Variants in TXNDC12 observed in about 807,000 individuals in gnomAD.
TXNDC12 encodes the protein thioredoxin domain-containing protein 12.
Under a neutral mutation model 24.2 loss-of-function variants are expected in TXNDC12, and 22 were observed. The ratio of observed to expected loss-of-function variants is 0.91; its 90% confidence interval spans 0.65 to 1.30. The LOEUF is 1.30. Among genes scored for constraint, TXNDC12 ranks in the 50% most tolerant of loss-of-function variants. The probability of loss-of-function intolerance (pLI) is 0.00; values close to 1 mark genes in which losing one functional copy is unlikely to be tolerated. For synonymous variants in TXNDC12, 58 were observed against 73.4 expected, an observed-to-expected ratio of 0.79 and a Z score of 1.07; for missense variants, 184 against 205.8, an observed-to-expected ratio of 0.89 and a Z score of 0.65.
At chr1:52,027,757 A>G (rs997837206) in intron 3 of TXNDC12, among the ~76,000 whole-genome samples, 12 of 149,238 alleles carry the variant, frequency 8.0e-5, no homozygotes, top group Admixed American at 1.3e-4. Context: ...ACATATATAC[A>G]TATATACGTA....
chr1:52,038,448 T>C (rs1685924635), intron 2 of TXNDC12, among the ~76,000 whole-genome samples: 2 of 151,956 alleles, frequency 1.3e-5, no homozygotes, highest in African/African-American at 4.8e-5. Flanking sequence ...GTAGCTGGGA[T>C]TATAGGCATG....
At chr1:52,046,594 G>A (rs1054057738) in intron 1 of TXNDC12, among the ~76,000 whole-genome samples, 9 of 152,112 alleles carry the variant, frequency 5.9e-5, no homozygotes, top group Non-Finnish European at 1.2e-4. Context: ...AAAAATTTTT[G>A]ACTGGGTGTC....
chr1:52,047,060 G>A (rs2783183), intron 1 of TXNDC12, among the ~76,000 whole-genome samples: 5,533 of 151,780 alleles, frequency 0.036, 129 homozygotes, highest in African/African-American at 0.043. Flanking sequence ...AAAGAATTTT[G>A]CTGTACCAGG....
chr1:52,032,775 A>G, intron 2 of TXNDC12: 1 of 1,614,192 alleles, frequency 6.2e-7, no homozygotes, highest in African/African-American at 1.3e-5. Context: ...GATGCATTTT[A>G]GTGTACGAAA....
intron 2 of TXNDC12, among the ~76,000 whole-genome samples, chr1:52,036,192 T>C (rs1685880318): frequency 6.6e-6 from 1 of 152,154 alleles, no homozygotes; most frequent in South Asian, 2.1e-4. Flanking sequence ...ATTAATAGCC[T>C]ACTGTTGACT....
At position 52,049,708 on chromosome 1, in the gene TXNDC12, T is replaced by A. The variant is rs557915907; in HGVS notation, c.97+5292A>T. Among the ~76,000 whole-genome samples the A allele has an allele frequency of 3.3e-5, 5 of 152,250 alleles. No individual in the cohort carries two copies. In the South Asian group the frequency reaches 1.0e-3, roughly 32 times the overall value. ...CACCACTTATTAAGCAATTGCATTT[T>A]TTTTTTTTTGGTAGAGATAGGATCT... On this transcript the variant is annotated intron_variant, in intron 1 of 6. Transcript: ENST00000371626.
intron 5 of TXNDC12, 34 bp downstream of exon 5, chr1:52,024,476 T>C: frequency 1.3e-6 from 2 of 1,538,588 alleles, no homozygotes; most frequent in Non-Finnish European, 1.8e-6. Flanking sequence ...TCCATCCACA[T>C]CATGGATTCC....
chr1:52,021,052 T>C (rs1685588867), intron 6 of TXNDC12, 40 bp from the exon 7 acceptor site: 2 of 1,450,960 alleles, frequency 1.4e-6, no homozygotes, highest in Non-Finnish European at 1.9e-6. Context: ...ATGAAGTAAG[T>C]AATGTTTGAC....
intron 2 of TXNDC12, among the ~76,000 whole-genome samples, chr1:52,036,941 T>C (rs945451188): frequency 6.6e-6 from 1 of 152,250 alleles, no homozygotes; most frequent in Non-Finnish European, 1.5e-5. Flanking sequence ...CTGTGAAGTC[T>C]TGTGTACATC....
At position 52,020,490 on chromosome 1, in the gene TXNDC12, ATTG is replaced by A. The variant is rs1040709729; in HGVS notation, c.*440_*442del. On this transcript the variant is annotated 3_prime_UTR_variant, in exon 7 of 7. Transcript: ENST00000371626. ...TGATTTACACTTAGGATTTATTGTTATTGTTGTTGTTGTTGTTTTTTAATGATA... is the reference window on the plus strand; with the variant it reads ...TGATTTACACTTAGGATTTATTGTTATTGTTGTTGTTGTTTTTTAATGATA... 43 of 235,912 alleles carry A rather than the reference ATTG, an allele frequency of 1.8e-4. No homozygotes were observed. The highest frequency in any genetic ancestry group is 3.5e-4 in the South Asian group (3 of 8,630). The allele number at this position is 235,912 out of a possible 1,614,324, so 14.6% of individuals were successfully genotyped here.
chr1:52,043,341 T>C (rs1686030243), intron 1 of TXNDC12, among the ~76,000 whole-genome samples: 1 of 152,238 alleles, frequency 6.6e-6, no homozygotes, highest in African/African-American at 2.4e-5. Flanking sequence ...GCAGTACACA[T>C]GGCCACAGTA....
intron 2 of TXNDC12, among the ~76,000 whole-genome samples, chr1:52,035,958 GA>G (rs1419493790): frequency 2.0e-5 from 3 of 152,052 alleles, no homozygotes; most frequent in Non-Finnish European, 4.4e-5. Flanking sequence ...AGTAAACTTA[GA>G]AAAAACGGTG....
Position 52,028,096 on chromosome 1 carries a change from A to G in TXNDC12, c.211+482T>C, listed in dbSNP as rs1412392161. Among the ~76,000 whole-genome samples the G allele has an allele frequency of 5.3e-5, 8 of 152,138 alleles. No homozygotes were observed. In the East Asian group the frequency reaches 1.5e-3, roughly 29 times the overall value. On this transcript the variant is annotated intron_variant, in intron 3 of 6. Transcript: ENST00000371626. ...CGGCCCAGCCTCCCAGAGTGCTGGG[A>G]TTACAGGCATGAGCCACTGCGCCTG...
intron 2 of TXNDC12, among the ~76,000 whole-genome samples, chr1:52,036,756 T>G (rs1685890135): frequency 6.6e-6 from 1 of 152,318 alleles, no homozygotes; most frequent in African/African-American, 2.4e-5. Flanking sequence ...CTTCTACGTG[T>G]TTTTCCTCAT....
intron 1 of TXNDC12, among the ~76,000 whole-genome samples, chr1:52,051,394 G>A (rs1048683005): frequency 1.2e-4 from 18 of 151,772 alleles, no homozygotes; most frequent in African/African-American, 4.1e-4. Flanking sequence ...TATTTTTTTT[G>A]AGACAGAGTA....
chr1:52,055,287 G>T, upstream of TXNDC12: 1 of 567,292 alleles, frequency 1.8e-6, no homozygotes, highest in Non-Finnish European at 3.2e-6. Flanking sequence ...GGGATGGAGT[G>T]AGCTTAAAGG....
intron 2 of TXNDC12, among the ~76,000 whole-genome samples, chr1:52,034,272 G>T (rs139597238): frequency 4.8e-4 from 73 of 152,292 alleles, no homozygotes; most frequent in Admixed American, 2.2e-3. Flanking sequence ...GAATGGGAAG[G>T]ATCAGGCGCC....
rs1488868335 is a variant in TXNDC12, at chr1:52,020,919, G to A, written c.*14C>T. On this transcript the variant is annotated 3_prime_UTR_variant, in exon 7 of 7. Coordinates refer to ENST00000371626, the MANE Select transcript of TXNDC12 (RefSeq NM_015913.4). ...CAGAACACTAACTCTGATGAAAGAAGGGGCACATTCATGTTACAATTCATC... is the reference window on the plus strand; with the variant it reads ...CAGAACACTAACTCTGATGAAAGAAAGGGCACATTCATGTTACAATTCATC... 1.2e-6 allele frequency: 2 copies of A among 1,605,072 alleles called. No individual in the cohort carries two copies. Among genetic ancestry groups the A allele is most frequent in the East Asian group, 2.2e-5 (1 of 44,848 alleles).
At chr1:52,047,167 G>C (rs990263555) in intron 1 of TXNDC12, among the ~76,000 whole-genome samples, 2 of 152,100 alleles carry the variant, frequency 1.3e-5, no homozygotes. Context: ...TTGGTGAGTC[G>C]GTGAGAGGAG....
Sources: allele counts gnomAD v4.1 joint callset (sites outside exome capture counted in the v4.1 genomes callset), GRCh38; gene constraint gnomAD v4.1.1; transcripts MANE v1.5; gene names NCBI Gene and HGNC (gene_info 2026-07-23, HGNC 2026-07-21).